Variants in FYCO1 observed in about 807,000 individuals in gnomAD.
The protein encoded by FYCO1 is FYVE and coiled-coil domain-containing protein 1.
Under a neutral mutation model 165.1 loss-of-function variants are expected in FYCO1, and 122 were observed. That is an observed-to-expected ratio of 0.74 (90% confidence interval 0.64 to 0.86). The LOEUF is 0.86. Ranked by LOEUF, FYCO1 falls within the 40% of genes least tolerant of loss-of-function variation. The probability of loss-of-function intolerance (pLI) is 0.00; values close to 1 mark genes in which losing one functional copy is unlikely to be tolerated. For synonymous variants in FYCO1, 648 were observed against 742.5 expected (o/e 0.87, Z 2.07); for missense variants, 1,702 against 1,810.3 (o/e 0.94, Z 1.09).
rs746026639 is a variant in FYCO1, at chr3:45,967,675, G to A, written c.1659C>T (p.Leu553=). ...KDHLSQQVGM[L]ERLAGPPGPE... ...GGCCAGGCGGCCCAGCAAGCCGCTC[G>A]AGCATACCCACCTGCTGGCTGAGGT... The change falls in exon 8 of 18, where the codon CTC becomes CTT. Residue 553 remains leucine (L), a synonymous_variant. Transcript: ENST00000296137. The A allele has an allele frequency of 1.5e-5, 25 of 1,613,724 alleles. No individual in the cohort carries two copies. The highest frequency in any genetic ancestry group is 4.5e-5 in the East Asian group (2 of 44,884).
At chr3:45,989,746 G>A (rs966838040) in intron 1 of FYCO1, among the ~76,000 whole-genome samples, 11 of 152,002 alleles carry the variant, frequency 7.2e-5, no homozygotes, top group African/African-American at 2.4e-4. Flanking sequence ...AGTTTCCTTG[G>A]TTGCTCTCCC....
At chr3:45,983,593 G>T (rs1707160840) in intron 2 of FYCO1, among the ~76,000 whole-genome samples, 1 of 152,128 alleles carries the variant, frequency 6.6e-6, no homozygotes, top group South Asian at 2.1e-4. Flanking sequence ...TCCCAATAAG[G>T]ACCTCCAGGT....
Position 45,981,696 on chromosome 3 carries a change from A to G in FYCO1, c.56-20T>C. 6.6e-7 allele frequency: 1 copy of G among 1,513,010 alleles called. No homozygotes were observed. Among genetic ancestry groups the G allele is most frequent in the Non-Finnish European group, 9.2e-7 (1 of 1,087,784 alleles). The allele number at this position is 1,513,010 out of a possible 1,614,324, so 93.7% of individuals were successfully genotyped here. ...CAGCATCTTTAAGACAACAAATAGG[A>G]ACATGTAACCAGATAGTGACTAAAC... On this transcript the variant is annotated intron_variant, in intron 2 of 17. Transcript: ENST00000296137.
intron 15 of FYCO1, among the ~76,000 whole-genome samples, chr3:45,931,742 C>G (rs540696068): frequency 6.6e-6 from 1 of 152,210 alleles, no homozygotes; most frequent in Non-Finnish European, 1.5e-5. Flanking sequence ...TTAGTACAAG[C>G]CTCCCAGCCT....
intron 1 of FYCO1, among the ~76,000 whole-genome samples, chr3:45,992,450 T>C (rs1351990082): frequency 6.6e-6 from 1 of 152,218 alleles, no homozygotes; most frequent in Non-Finnish European, 1.5e-5. Flanking sequence ...TTTTGTCAAA[T>C]GGGACCCTAT....
intron 1 of FYCO1, among the ~76,000 whole-genome samples, chr3:45,991,440 C>A (rs960555949): frequency 1.3e-5 from 2 of 152,086 alleles, no homozygotes; most frequent in Non-Finnish European, 2.9e-5. Flanking sequence ...AGGGATAGGC[C>A]CATCTTCTTG....
rs1380027012 is a variant in FYCO1 at position 45,968,599 on chromosome 3, C to T, written c.735G>A (p.Arg245=). 4 of 1,613,904 alleles carry T rather than the reference C, an allele frequency of 2.5e-6. No homozygotes were observed. Among genetic ancestry groups the T allele is most frequent in the Admixed American group, 1.7e-5 (1 of 60,006 alleles). The stretch of plus-strand genomic sequence containing the variant: ...GCATGCGCTCCCGTAGCTGCTTCTC[C>T]CGCACCTCCAACTGGTCCAGCTCTA... The part of the protein sequence containing the change: ...MRLELDQLEV[R]EKQLRERMQQ... Residue 245 remains arginine, a synonymous_variant, in exon 8 of 18, where the codon CGG becomes CGA. Transcript: ENST00000296137.
Position 45,959,377 on chromosome 3 carries a change from C to T in FYCO1, c.3587+16G>A, listed in dbSNP as rs758505273. The T allele has an allele frequency of 2.7e-5, 44 of 1,613,620 alleles. No individual in the cohort carries two copies. The highest frequency in any genetic ancestry group is 1.1e-4 in the South Asian group (10 of 91,088). The stretch of plus-strand genomic sequence containing the variant: ...CCACCAGGGTGTTGGTGCCAACCCA[C>T]GAGCTCCCTGCTGACCTGCAGTGGT... On this transcript the variant is annotated intron_variant, in intron 12 of 17. Transcript: ENST00000296137.
intron 15 of FYCO1, among the ~76,000 whole-genome samples, chr3:45,933,509 A>G (rs144898190): frequency 1.5e-3 from 232 of 152,286 alleles, no homozygotes; most frequent in African/African-American, 5.3e-3. Flanking sequence ...AACTTTCCTC[A>G]TTCCTTTACT....
chr3:45,930,863 A>G (rs1413461834), intron 16 of FYCO1, among the ~76,000 whole-genome samples: 1 of 152,246 alleles, frequency 6.6e-6, no homozygotes, highest in East Asian at 1.9e-4. Context: ...GACATTTGAG[A>G]ACAGCTTTCC....
At position 45,987,159 on chromosome 3, in the gene FYCO1, T is replaced by C. The variant is rs80085663; in HGVS notation, c.-112-2137A>G. Among the ~76,000 whole-genome samples the C allele has an allele frequency of 2.8e-3, 431 of 152,312 alleles. 3 individuals are homozygous for C. The highest frequency in any genetic ancestry group is 9.8e-3 in the African/African-American group (406 of 41,554). The stretch of plus-strand genomic sequence containing the variant: ...ACCACCACAACTGTGCAATCCCATT[T>C]ATATGCTATTCTGGCAAAGGCAAAT... On this transcript the variant is annotated intron_variant, in intron 1 of 17. Coordinates refer to ENST00000296137, the MANE Select transcript of FYCO1 (RefSeq NM_024513.4).
intron 14 of FYCO1, among the ~76,000 whole-genome samples, chr3:45,942,282 T>C (rs1435164988): frequency 1.3e-5 from 2 of 152,202 alleles, no homozygotes; most frequent in Non-Finnish European, 2.9e-5. Context: ...TCTCTAATCT[T>C]CTGTTTGCCT....
At chr3:45,937,023 G>T (rs1703932243) in intron 14 of FYCO1, among the ~76,000 whole-genome samples, 1 of 152,086 alleles carries the variant, frequency 6.6e-6, no homozygotes, top group African/African-American at 2.4e-5. Context: ...GAACATTTTG[G>T]CAAATTGAAG....
chr3:45,941,334 A>G lies in FYCO1; in HGVS notation c.3945-4791T>C, dbSNP rs371311871. The stretch of plus-strand genomic sequence containing the variant: ...AGGCCAACAGTCTGACTTCCAAGAT[A>G]AATCTGCAGCAGGTATGTCTGCCAC... On this transcript the variant is annotated intron_variant, in intron 14 of 17. Coordinates refer to ENST00000296137, the MANE Select transcript of FYCO1 (RefSeq NM_024513.4). 5 of 152,320 alleles carry G rather than the reference A, an allele frequency of 3.3e-5. No homozygotes were observed. The South Asian group carries it at 1.0e-3, about 32-fold the overall frequency. 9.4% of individuals were successfully genotyped at this position (152,320 alleles called of 1,614,324 possible). A position where few individuals can be genotyped will look rare whatever the true frequency, so the allele number is the denominator to read the frequency against.
rs1308740617 is a variant in FYCO1 at position 45,921,689 on chromosome 3, A to C, written c.*76T>G. ...ATGATTTTGGAGCAGCTGACTTTTT[A>C]AAAAAATGCTTTATGTGACAGGTGA... On this transcript the variant is annotated 3_prime_UTR_variant, in exon 18 of 18. Coordinates refer to ENST00000296137, the MANE Select transcript of FYCO1 (RefSeq NM_024513.4). The C allele has an allele frequency of 3.8e-6, 4 of 1,059,634 alleles. No homozygotes were observed. Among genetic ancestry groups the C allele is most frequent in the Admixed American group, 1.7e-5 (1 of 58,806 alleles). 65.6% of individuals were successfully genotyped at this position (1,059,634 alleles called of 1,614,324 possible).
intron 2 of FYCO1, among the ~76,000 whole-genome samples, chr3:45,983,551 T>C (rs1193872950): frequency 6.6e-6 from 1 of 152,210 alleles, no homozygotes; most frequent in Non-Finnish European, 1.5e-5. Flanking sequence ...TCAGAAGCTC[T>C]ACCTGAGGGT....
Position 45,966,522 on chromosome 3 carries a change from C to T in FYCO1, c.2812G>A (p.Glu938Lys). 1 of 1,613,358 alleles carries T rather than the reference C, an allele frequency of 6.2e-7. No homozygotes were observed. The highest frequency in any genetic ancestry group is 8.5e-7 in the Non-Finnish European group (1 of 1,179,360). ...CCCTCTCGCTCCCTTGAGGCTGCCTCTTTGGCGTCCTGGAGCTCCTGGACA... is the reference window on the plus strand; with the variant it reads ...CCCTCTCGCTCCCTTGAGGCTGCCTTTTTGGCGTCCTGGAGCTCCTGGACA... ...CAVQELQDAK[E>K]AASREREGLE... Residue 938 changes from glutamate to lysine, a missense_variant, in exon 8 of 18, where the codon GAG becomes AAG. Glu to Lys is a moderately conservative substitution (Grantham distance 56). Transcript: ENST00000296137.
intron 2 of FYCO1, among the ~76,000 whole-genome samples, chr3:45,983,411 C>T (rs894617979): frequency 1.3e-5 from 2 of 152,200 alleles, no homozygotes; most frequent in South Asian, 4.1e-4. Flanking sequence ...GTGGAGGGTA[C>T]TGAGAAAGTG....
intron 4 of FYCO1, among the ~76,000 whole-genome samples, chr3:45,977,276 C>T (rs1038508201): frequency 1.3e-5 from 2 of 149,504 alleles, no homozygotes; most frequent in Non-Finnish European, 3.0e-5. Context: ...TTATACCAGC[C>T]TTTAGAACAT....
Sources: allele counts gnomAD v4.1 joint callset (sites outside exome capture counted in the v4.1 genomes callset), GRCh38; gene constraint gnomAD v4.1.1; transcripts MANE v1.5; gene names NCBI Gene and HGNC (gene_info 2026-07-23, HGNC 2026-07-21).